The following SLC4A4 variants were observed in gnomAD, a reference collection of about 807,000 sequenced individuals.
SLC4A4 encodes the protein electrogenic sodium bicarbonate cotransporter 1.
Under a neutral mutation model 111.5 loss-of-function variants are expected in SLC4A4, and 27 were observed. The ratio of observed to expected loss-of-function variants is 0.24; its 90% CI spans 0.18 to 0.33. The LOEUF is 0.33. Among genes scored for constraint, SLC4A4 ranks in the 10% least tolerant of loss-of-function variants. The probability of loss-of-function intolerance (pLI) is 1.00; values close to 1 mark genes in which losing one functional copy is unlikely to be tolerated. For synonymous variants in SLC4A4, 443 were observed against 463.4 expected (o/e 0.96, Z 0.57); for missense variants, 909 against 1,315.5 (o/e 0.69, Z 4.78).
chr4:71,439,203 T>C, intron 7 of SLC4A4, among the ~76,000 whole-genome samples: 1 of 150,274 alleles, frequency 6.7e-6, no homozygotes. Flanking sequence ...CTGAGGCGGG[T>C]GGATCCCGAG....
chr4:71,243,986 T>C (rs1237289315), intron 2 of SLC4A4, among the ~76,000 whole-genome samples: 1 of 152,144 alleles, frequency 6.6e-6, no homozygotes, highest in Admixed American at 6.5e-5. Context: ...TTTAGTAACA[T>C]TGGCCAGTAT....
intron 1 of SLC4A4, among the ~76,000 whole-genome samples, chr4:71,206,559 A>G (rs529786305): frequency 7.7e-4 from 118 of 152,316 alleles, no homozygotes; most frequent in African/African-American, 2.7e-3. Context: ...TTGATAAAGA[A>G]TAAAATAGTA....
chr4:71,506,812 A>G (rs1369793415), intron 16 of SLC4A4, among the ~76,000 whole-genome samples: 1 of 152,094 alleles, frequency 6.6e-6, no homozygotes, highest in African/African-American at 2.4e-5. Context: ...CCAAGGTTGA[A>G]AGAAAAGAAA....
At chr4:71,454,888 A>T (rs1390055320) in intron 12 of SLC4A4, among the ~76,000 whole-genome samples, 1 of 152,086 alleles carries the variant, frequency 6.6e-6, no homozygotes, top group East Asian at 1.9e-4. Context: ...TTGCAGTCAG[A>T]TGGCAGCAGA....
intron 14 of SLC4A4, among the ~76,000 whole-genome samples, chr4:71,484,014 A>G (rs11721632): frequency 0.57 from 86,348 of 151,460 alleles, 27,386 homozygotes; most frequent in Non-Finnish European, 0.73. Context: ...CCACTTTTTA[A>G]TAGGGCTGGT....
chr4:71,169,161 C>A (rs566129830), intron 2 of SLC4A4, among the ~76,000 whole-genome samples: 101 of 151,904 alleles, frequency 6.6e-4, no homozygotes, highest in African/African-American at 2.4e-3. Context: ...AGGCATGTGC[C>A]ACCATACCTG....
At chr4:71,311,160 T>C (rs1726115862) in intron 3 of SLC4A4, among the ~76,000 whole-genome samples, 4 of 152,166 alleles carry the variant, frequency 2.6e-5, no homozygotes, top group Admixed American at 2.6e-4. Flanking sequence ...TAAATATATA[T>C]GCACCCAATA....
rs71212002 is a variant in SLC4A4 at position 71,267,791 on chromosome 4, C to CAAAAAAAAAAAAAAAAAAA, written c.253+12401_253+12419dup. ...CCTGGATGACAGAGTGAGAGTCTGC[C>CAAAAAAAAAAAAAAAAAAA]AAAAAAAAAAAAAAAAAAAAAAAAA... is the stretch of plus-strand genomic sequence containing the variant. On this transcript the variant is annotated intron_variant, in intron 3 of 25. Transcript: ENST00000264485. Among the ~76,000 whole-genome samples, 25 of 62,360 alleles carry CAAAAAAAAAAAAAAAAAAA rather than the reference C, an allele frequency of 4.0e-4. 1 individual carries two copies. Among genetic ancestry groups the CAAAAAAAAAAAAAAAAAAA allele is most frequent in the Admixed American group, 2.0e-3 (7 of 3,554 alleles). The allele number at this position is 62,360 out of a possible 152,430, so 40.9% of individuals were successfully genotyped here.
At chr4:71,067,271 T>A (rs949049018) in intron 1 of SLC4A4, among the ~76,000 whole-genome samples, 1 of 152,130 alleles carries the variant, frequency 6.6e-6, no homozygotes, top group Admixed American at 6.6e-5. Flanking sequence ...TTTTTTTTTT[T>A]AATTTTCAAA....
intron 1 of SLC4A4, among the ~76,000 whole-genome samples, chr4:71,222,950 C>T (rs914401544): frequency 2.6e-5 from 4 of 152,054 alleles, no homozygotes; most frequent in Admixed American, 6.5e-5. Flanking sequence ...ACCATGTGGC[C>T]AAGTGGTGAG....
chr4:71,130,704 T>C (rs889075466), intron 2 of SLC4A4, among the ~76,000 whole-genome samples: 9 of 152,250 alleles, frequency 5.9e-5, no homozygotes, highest in African/African-American at 2.2e-4. Context: ...TTTGTTGTAA[T>C]GCGTATGTAT....
At chr4:71,311,241 A>G (rs1726127700) in intron 3 of SLC4A4, among the ~76,000 whole-genome samples, 1 of 152,206 alleles carries the variant, frequency 6.6e-6, no homozygotes. Context: ...ACACAGTAAT[A>G]GTGGGAGACT....
chr4:71,235,933 G>A, intron 1 of SLC4A4: 1 of 502,118 alleles, frequency 2.0e-6, no homozygotes, highest in Non-Finnish European at 2.6e-6. Flanking sequence ...TATTGTCGAA[G>A]CCGGGTTGCT....
chr4:71,271,078 G>C (rs1016609553), intron 3 of SLC4A4, among the ~76,000 whole-genome samples: 1 of 152,154 alleles, frequency 6.6e-6, no homozygotes, highest in Non-Finnish European at 1.5e-5. Context: ...TTTGCCTGCA[G>C]GGGTCCTCAG....
chr4:71,158,780 G>A (rs1416479060), intron 2 of SLC4A4, among the ~76,000 whole-genome samples: 4 of 152,138 alleles, frequency 2.6e-5, no homozygotes, highest in East Asian at 1.9e-4. Flanking sequence ...GGGTGAGGGC[G>A]GAGGAGAGTA....
At chr4:71,175,246 T>G (rs998043579) in intron 2 of SLC4A4, among the ~76,000 whole-genome samples, 6 of 152,220 alleles carry the variant, frequency 3.9e-5, no homozygotes, top group Non-Finnish European at 8.8e-5. Context: ...ACAGCTCCAG[T>G]CTACAGCTTC....
At chr4:71,144,554 C>T (rs1447218580) in intron 2 of SLC4A4, among the ~76,000 whole-genome samples, 7 of 151,614 alleles carry the variant, frequency 4.6e-5, no homozygotes, top group South Asian at 2.1e-4. Context: ...GCCATTTTCA[C>T]GATATTGATT....
intron 5 of SLC4A4, among the ~76,000 whole-genome samples, chr4:71,352,496 A>G (rs1405860921): frequency 6.6e-6 from 1 of 152,204 alleles, no homozygotes; most frequent in Non-Finnish European, 1.5e-5. Flanking sequence ...GTCATATATT[A>G]ATTCCCGTGA....
intron 6 of SLC4A4, among the ~76,000 whole-genome samples, chr4:71,382,880 T>A (rs535444105): frequency 2.0e-4 from 31 of 152,344 alleles, no homozygotes; most frequent in Non-Finnish European, 4.1e-4. Flanking sequence ...AGTAGTGCTG[T>A]ACTGGGGGAA....
Sources: allele counts gnomAD v4.1 joint callset (sites outside exome capture counted in the v4.1 genomes callset), GRCh38; gene constraint gnomAD v4.1.1; transcripts MANE v1.5; gene names NCBI Gene and HGNC (gene_info 2026-07-23, HGNC 2026-07-21).